Variants in TENT2 observed in about 807,000 individuals in gnomAD.
The protein encoded by TENT2 is terminal nucleotidyltransferase 2.
Under a neutral mutation model 72.2 loss-of-function variants are expected in TENT2, and 44 were observed. That is an observed-to-expected ratio of 0.61 (90% confidence interval 0.48 to 0.78). The LOEUF is 0.78. Ranked by LOEUF, TENT2 falls within the 30% of genes least tolerant of loss-of-function variation. The pLI is 0.00. For missense variants in TENT2, 541 were observed against 569.6 expected, an observed-to-expected ratio of 0.95 and a Z score of 0.51; for synonymous variants, 212 against 192.5, an observed-to-expected ratio of 1.10 and a Z score of -0.84.
At chr5:79,633,899 A>C (rs1476030919) in intron 4 of TENT2, among the ~76,000 whole-genome samples, 1 of 150,268 alleles carries the variant, frequency 6.7e-6, no homozygotes, top group African/African-American at 2.4e-5. Context: ...CACGCCTGTA[A>C]TCCCAGCACT....
At chr5:79,657,502 C>T (rs1377763445) in intron 11 of TENT2, among the ~76,000 whole-genome samples, 1 of 151,854 alleles carries the variant, frequency 6.6e-6, no homozygotes, top group East Asian at 2.0e-4. Flanking sequence ...TTCTTGTCTG[C>T]ATAATACTAT....
In TENT2 at chr5:79,654,983, C is replaced by G. The variant is rs191615235; in HGVS notation, c.1028-1975C>G. On this transcript the variant is annotated intron_variant, in intron 10 of 14. Coordinates refer to ENST00000453514, the MANE Select transcript of TENT2 (RefSeq NM_001114394.3). ...AGATTAGCTGTATTCAAGGCATTAC[C>G]TATTAATCATGTATTCTGATAATGA... 2.5e-3 allele frequency among the ~76,000 whole-genome samples: 376 copies of G among 152,152 alleles called. 2 individuals carry two copies. Among genetic ancestry groups the G allele is most frequent in the African/African-American group, 8.7e-3 (362 of 41,532 alleles).
At position 79,657,061 on chromosome 5, in the gene TENT2, A is replaced by G. The variant is rs147279197; in HGVS notation, c.1071+60A>G. ...TATGTCAAGTGTATGTAGAACTATTATAAGTAGTATTAATGTGATTATAAA... is the reference window on the plus strand; with the variant it reads ...TATGTCAAGTGTATGTAGAACTATTGTAAGTAGTATTAATGTGATTATAAA... On this transcript the variant is annotated intron_variant, in intron 11 of 14. Transcript: ENST00000453514. The G allele has an allele frequency of 5.6e-4, 649 of 1,158,890 alleles. 4 individuals carry two copies. The Middle Eastern group carries it at 0.012, about 22-fold the overall frequency. 71.8% of individuals were successfully genotyped at this position (1,158,890 alleles called of 1,614,324 possible). A position where few individuals can be genotyped will look rare whatever the true frequency, so the allele number is the denominator to read the frequency against.
intron 10 of TENT2, among the ~76,000 whole-genome samples, chr5:79,652,685 G>C (rs1359561266): frequency 6.6e-6 from 1 of 151,868 alleles, no homozygotes; most frequent in Non-Finnish European, 1.5e-5. Flanking sequence ...TTTTATTGCT[G>C]ACCAGTCTTG....
At chr5:79,677,781 A>G (rs1818339421) in intron 12 of TENT2, among the ~76,000 whole-genome samples, 1 of 152,124 alleles carries the variant, frequency 6.6e-6, no homozygotes, top group South Asian at 2.1e-4. Flanking sequence ...AAATTGTTGG[A>G]AACATTTGTG....
At chr5:79,648,756 T>C (rs1791189180) in intron 9 of TENT2, 63 bp downstream of exon 9, 1 of 1,261,140 alleles carries the variant, frequency 7.9e-7, no homozygotes, top group East Asian at 2.4e-5. Context: ...TTAAAGATGT[T>C]TGGCATAAAT....
At chr5:79,683,649 C>T (rs1212927954) in intron 14 of TENT2, among the ~76,000 whole-genome samples, 2 of 152,106 alleles carry the variant, frequency 1.3e-5, no homozygotes, top group Non-Finnish European at 2.9e-5. Context: ...GGCGCGGTGG[C>T]TCACGCCTGT....
At chr5:79,670,479 C>T (rs1014052803) in intron 12 of TENT2, among the ~76,000 whole-genome samples, 7 of 151,564 alleles carry the variant, frequency 4.6e-5, no homozygotes, top group African/African-American at 1.7e-4. Flanking sequence ...CACCCGTGAC[C>T]ACGCCTGGCT....
intron 12 of TENT2, among the ~76,000 whole-genome samples, chr5:79,674,088 T>C (rs1432466426): frequency 6.6e-6 from 1 of 152,040 alleles, no homozygotes; most frequent in Non-Finnish European, 1.5e-5. Context: ...GTCAGTATCA[T>C]TAAAAACAAA....
At chr5:79,656,735 A>T in intron 10 of TENT2, 1 of 433,082 alleles carries the variant, frequency 2.3e-6, no homozygotes, top group Non-Finnish European at 4.1e-6. Context: ...ACATTGATTT[A>T]CATAGGGATA....
chr5:79,645,213 CT>C (rs763292698), intron 8 of TENT2, 21 bp downstream of exon 8: 4 of 1,581,056 alleles, frequency 2.5e-6, no homozygotes, highest in South Asian at 1.2e-5. Context: ...AATGAGCTTT[CT>C]TTTTTTAGTT....
At chr5:79,659,556 G>GTATATATATATATATATA (rs71855117) in intron 11 of TENT2, among the ~76,000 whole-genome samples, 4 of 34,270 alleles carry the variant, frequency 1.2e-4, no homozygotes, top group Non-Finnish European at 1.4e-4. Flanking sequence ...AAAAAAAAAT[G>GTATATATATATATATATA]TATATATATA....
chr5:79,621,614 C>T (rs1451444856), intron 3 of TENT2, among the ~76,000 whole-genome samples: 8 of 151,552 alleles, frequency 5.3e-5, no homozygotes, highest in East Asian at 2.0e-4. Flanking sequence ...AAAAATTAGC[C>T]GAGTGTGGTG....
intron 13 of TENT2, among the ~76,000 whole-genome samples, chr5:79,681,052 CCTTT>C (rs1172929974): frequency 6.6e-6 from 1 of 150,694 alleles, no homozygotes; most frequent in Non-Finnish European, 1.5e-5. Flanking sequence ...AAAAACTGTT[CCTTT>C]GTTTTTTTCC....
intron 14 of TENT2, among the ~76,000 whole-genome samples, chr5:79,684,210 A>G (rs1824752400): frequency 6.6e-6 from 1 of 152,218 alleles, no homozygotes. Flanking sequence ...TCTCCTTATC[A>G]ATTCAAATCA....
At chr5:79,641,076 A>G in intron 5 of TENT2, 29 bp from the exon 6 acceptor site, 3 of 1,530,986 alleles carry the variant, frequency 2.0e-6, no homozygotes, top group Non-Finnish European at 2.6e-6. Context: ...GATTTTAAAT[A>G]CTCTTATTAC....
chr5:79,636,518 A>G (rs902298088), intron 4 of TENT2, among the ~76,000 whole-genome samples: 2 of 152,084 alleles, frequency 1.3e-5, no homozygotes, highest in Non-Finnish European at 1.5e-5. Flanking sequence ...AAATTCCCCA[A>G]TTTTTTTCTC....
intron 11 of TENT2, among the ~76,000 whole-genome samples, chr5:79,662,413 T>A (rs1803750746): frequency 6.6e-6 from 1 of 152,236 alleles, no homozygotes; most frequent in Admixed American, 6.5e-5. Context: ...GCTTTCAATG[T>A]ACTTTGTCCA....
chr5:79,682,145 G>T, intron 14 of TENT2, 84 bp downstream of exon 14: 3 of 868,440 alleles, frequency 3.5e-6, no homozygotes, highest in Non-Finnish European at 5.4e-6. Flanking sequence ...TAGTAGGACA[G>T]AATGGTTTCT....
Sources: gnomAD v4.1 joint callset for allele counts (sites outside exome capture counted in the v4.1 genomes callset) on GRCh38, gnomAD v4.1.1 for gene constraint, MANE v1.5 for transcripts, NCBI Gene and HGNC (gene_info 2026-07-23, HGNC 2026-07-21) for gene names.